The following KNDC1 variants were observed in gnomAD, a reference collection of about 807,000 sequenced individuals.
The protein encoded by KNDC1 is kinase non-catalytic C-lobe domain containing 1.
A neutral mutation model predicts 172.8 loss-of-function variants in KNDC1; 106 were observed. The ratio of observed to expected loss-of-function variants is 0.61; its 90% CI spans 0.52 to 0.72. KNDC1 has a LOEUF of 0.72. Ranked by LOEUF, KNDC1 falls within the 30% of genes least tolerant of loss-of-function variation. The pLI is 0.00. For synonymous variants in KNDC1, 1,083 were observed against 1,062.2 expected (o/e 1.02, Z -0.38); for missense variants, 2,325 against 2,394.5 (o/e 0.97, Z 0.61).
At chr10:133,167,057 G>A (rs542244080) in intron 1 of KNDC1, 67 of 403,308 alleles carry the variant, frequency 1.7e-4, no homozygotes, top group Non-Finnish European at 2.7e-4. Context: ...GTGAGCCTGC[G>A]GGGTCGGGGT....
chr10:133,200,705 G>A (rs1424059780), intron 16 of KNDC1, among the ~76,000 whole-genome samples: 2 of 152,134 alleles, frequency 1.3e-5, no homozygotes, highest in South Asian at 2.1e-4. Context: ...GCCAAAGGCC[G>A]TCCTCTTCTG....
rs202054271 is a variant in KNDC1 at position 133,186,207 on chromosome 10, C to A, written c.859C>A (p.Arg287Ser). 1.9e-6 allele frequency: 3 copies of A among 1,571,866 alleles called. No individual in the cohort carries two copies. The South Asian group carries it at 3.5e-5, about 18-fold the overall frequency. ...GLAGLVLDAE[R>S]TLGELDRDAL... ...GGCCGGCCTCGTCCTGGATGCCGAG[C>A]GCACCCTCGGGGAGCTGGACAGAGA... Residue 287 changes from arginine (R) to serine (S), a missense_variant, in exon 6 of 30, where the codon CGC becomes AGC. Arg to Ser is a moderately radical substitution (Grantham distance 110, BLOSUM62 -1). Transcript: ENST00000304613.
chr10:133,179,314 G>C (rs1186040924), intron 3 of KNDC1: 2 of 152,226 alleles, frequency 1.3e-5, no homozygotes, highest in African/African-American at 2.4e-5. Context: ...GGAGCCCCCA[G>C]GTGCGTGTTC....
At chr10:133,202,873 C>T (rs1244399037) in intron 17 of KNDC1, among the ~76,000 whole-genome samples, 1 of 152,210 alleles carries the variant, frequency 6.6e-6, no homozygotes, top group Non-Finnish European at 1.5e-5. Flanking sequence ...CCTGAGGGGG[C>T]TTCGAGGACG....
chr10:133,189,724 G>A (rs1854026496), intron 8 of KNDC1, 28 bp from the exon 9 acceptor site: 5 of 1,613,926 alleles, frequency 3.1e-6, no homozygotes, highest in African/African-American at 1.3e-5. Context: ...CCAGGGGTGA[G>A]GAAAGCTCAG....
Position 133,210,712 on chromosome 10 carries a change from G to A in KNDC1, c.3896G>A (p.Ser1299Asn). 6 of 1,612,976 alleles carry A rather than the reference G, an allele frequency of 3.7e-6. No individual in the cohort carries two copies. Among genetic ancestry groups the A allele is most frequent in the Non-Finnish European group, 5.1e-6 (6 of 1,178,908 alleles). Residue 1299 changes from serine (S) to asparagine (N), a missense_variant, in exon 21 of 30, where the codon AGC (serine) becomes AAC (asparagine). By Grantham distance (46) the Ser-to-Asn change is conservative. Coordinates refer to ENST00000304613, the MANE Select transcript of KNDC1 (RefSeq NM_152643.8). ...FLHFLLDRINSTLTRAHQDPT... is the reference protein window; with the variant it reads ...FLHFLLDRINNTLTRAHQDPT... The stretch of plus-strand genomic sequence containing the variant: ...CACTTCCTCCTCGACCGCATCAACA[G>A]CACGCTGACCAGGTACCAAGCTCCA...
In KNDC1 at chr10:133,188,640, C is replaced by A. The variant is rs559608897; in HGVS notation, c.1428C>A (p.Arg476=). The change falls in exon 7 of 30, where the codon CGC becomes CGA. Residue 476 remains arginine (R), a synonymous_variant. Transcript: ENST00000304613. ...CLACLRALQT[R]PEHPAYLCLD... The stretch of plus-strand genomic sequence containing the variant: ...CCTGCCTCCGCGCACTGCAGACACG[C>A]CCTGAGCACCCAGGTGACGCACGCA... 10 of 1,586,584 alleles carry A rather than the reference C, an allele frequency of 6.3e-6. No homozygotes were observed. In the East Asian group the frequency reaches 2.3e-4, roughly 36 times the overall value.
chr10:133,201,979 A>T, intron 17 of KNDC1, 81 bp downstream of exon 17: 2 of 1,430,336 alleles, frequency 1.4e-6, no homozygotes, highest in Non-Finnish European at 1.9e-6. Context: ...CAGGTGACAG[A>T]TGGCACCGTG....
intron 3 of KNDC1, among the ~76,000 whole-genome samples, chr10:133,176,996 A>G (rs920618940): frequency 2.6e-5 from 4 of 152,186 alleles, no homozygotes; most frequent in African/African-American, 7.2e-5. Context: ...CTGCCATCTG[A>G]GTCTGCGTTC....
rs754544570 is a variant in KNDC1 at position 133,198,833 on chromosome 10, G to A, written c.2325G>A (p.Ser775=). Residue 775 remains serine, a synonymous_variant, in exon 14 of 30, where the codon TCG becomes TCA. Coordinates refer to ENST00000304613, the MANE Select transcript of KNDC1 (RefSeq NM_152643.8). ...APANQPEGAS[S]AAPGSPVPAP... ...CAAACCAGCCAGAGGGGGCCTCATC[G>A]GCAGCTCCCGGCTCTCCAGTCCCCG... 2.3e-5 allele frequency: 36 copies of A among 1,598,728 alleles called. No homozygotes were observed. The highest frequency in any genetic ancestry group is 1.7e-4 in the Middle Eastern group (1 of 5,916).
intron 1 of KNDC1, among the ~76,000 whole-genome samples, chr10:133,165,360 C>T (rs1335757947): frequency 1.3e-5 from 2 of 152,210 alleles, no homozygotes; most frequent in African/African-American, 4.8e-5. Flanking sequence ...GAGTGGTGGC[C>T]CTGCTGGCAC....
rs1167049065 is a variant in KNDC1, at chr10:133,183,181, C to T, written c.361-163C>T. On this transcript the variant is annotated intron_variant, in intron 3 of 29. Transcript: ENST00000304613. ...GCGGCGAGGGTGCCAGCGGCGTGGGCGCGGGCGGCAAGGGTGTGGGCAGCG... is the reference window on the plus strand; with the variant it reads ...GCGGCGAGGGTGCCAGCGGCGTGGGTGCGGGCGGCAAGGGTGTGGGCAGCG... Among the ~76,000 whole-genome samples, 9 of 151,542 alleles carry T rather than the reference C, an allele frequency of 5.9e-5. No individual in the cohort carries two copies. In the East Asian group the frequency reaches 7.8e-4, roughly 13 times the overall value.
intron 6 of KNDC1, among the ~76,000 whole-genome samples, chr10:133,187,910 G>C (rs78149307): frequency 2.9e-4 from 19 of 64,474 alleles, no homozygotes; most frequent in African/African-American, 7.4e-4. Context: ...ACCCCGTCCC[G>C]CCCTCCACCT....
At chr10:133,167,234 A>G in intron 1 of KNDC1, 147 bp from the exon 2 acceptor site, 1 of 713,158 alleles carries the variant, frequency 1.4e-6, no homozygotes, top group East Asian at 2.7e-5. Context: ...TTGAAACAAA[A>G]TGAGACGTGG....
At position 133,200,422 on chromosome 10, in the gene KNDC1, G is replaced by C; in HGVS notation, c.2951G>C (p.Arg984Pro). 6.3e-7 allele frequency: 1 copy of C among 1,597,094 alleles called. No homozygotes were observed. The highest frequency in any genetic ancestry group is 8.5e-7 in the Non-Finnish European group (1 of 1,172,838). The change falls in exon 16 of 30, where the codon CGC becomes CCC. Residue 984 changes from arginine (R) to proline (P), a missense_variant. Physicochemically the swap from Arg to Pro is moderately radical, Grantham distance 103. Transcript: ENST00000304613. ...GSQLEGSQSP[R>P]SPSSKRPSLH... ...CAGCTCGAGGGCAGCCAAAGCCCCCGCTCCCCGTCCAGCAAGAGGCCGTCG... is the reference window on the plus strand; with the variant it reads ...CAGCTCGAGGGCAGCCAAAGCCCCCCCTCCCCGTCCAGCAAGAGGCCGTCG...
Position 133,186,324 on chromosome 10 carries a change from C to A in KNDC1, c.976C>A (p.Arg326Ser). 1 of 1,612,606 alleles carries A rather than the reference C, an allele frequency of 6.2e-7. No homozygotes were observed. Among genetic ancestry groups the A allele is most frequent in the East Asian group, 2.2e-5 (1 of 44,878 alleles). Residue 326 changes from arginine (R) to serine (S), a missense_variant, in exon 6 of 30, where the codon CGC becomes AGC. Coordinates refer to ENST00000304613, the MANE Select transcript of KNDC1 (RefSeq NM_152643.8). ...GGCCACCCTCTGCCTGCCGCTGACC[C>A]GCGGGAAAAGCCAGCTGCCCATATC... is the stretch of plus-strand genomic sequence containing the variant. ...PEATLCLPLTRGKSQLPISEL... is the reference protein window; with the variant it reads ...PEATLCLPLTSGKSQLPISEL...
intron 9 of KNDC1, among the ~76,000 whole-genome samples, chr10:133,195,315 C>T (rs1352106687): frequency 2.6e-5 from 4 of 152,290 alleles, no homozygotes; most frequent in African/African-American, 7.2e-5. Flanking sequence ...CTCCCGGGTC[C>T]GTGAGGTGGG....
At chr10:133,220,907 C>T (rs555613361) in intron 29 of KNDC1, among the ~76,000 whole-genome samples, 2 of 152,220 alleles carry the variant, frequency 1.3e-5, no homozygotes, top group South Asian at 4.1e-4. Flanking sequence ...TGGCACCTCT[C>T]CTCCTGTCCT....
chr10:133,209,478 G>A lies in KNDC1; in HGVS notation c.3795-1133G>A, dbSNP rs77122161. Among the ~76,000 whole-genome samples the A allele has an allele frequency of 0.01, 1,556 of 150,736 alleles. 16 individuals carry two copies. The highest frequency in any genetic ancestry group is 0.027 in the Middle Eastern group (8 of 292). On this transcript the variant is annotated intron_variant, in intron 20 of 29. Transcript: ENST00000304613. This position sits in a 1 kb window ranked among gnomAD's most constrained non-coding sequence, Gnocchi z 4.9. ...GGGGTATAGTGTGGCTTGTGTGCGC[G>A]TGTGTGGTGTGCGCGTCTGGTTGTG...
Sources: gnomAD v4.1 joint callset for allele counts (sites outside exome capture counted in the v4.1 genomes callset) on GRCh38, gnomAD v4.1.1 for gene constraint, Gnocchi (gnomAD v3.1) non-coding constraint, MANE v1.5 for transcripts, NCBI Gene and HGNC (gene_info 2026-07-23, HGNC 2026-07-21) for gene names.